The following TUT7 variants were observed in gnomAD, a reference collection of about 807,000 sequenced individuals.
TUT7 encodes terminal uridylyl transferase 7.
In TUT7, 33 loss-of-function variants were observed where a neutral mutation model predicts 165.9. That is an observed-to-expected ratio of 0.20 (90% CI 0.15 to 0.27). The LOEUF (loss-of-function observed/expected upper bound fraction) is 0.27, where lower values mean the gene tolerates loss of function less well. TUT7 is among the 10% of genes least tolerant of loss of function. TUT7 has a pLI of 1.00. For missense variants in TUT7, 1,338 were observed against 1,762.3 expected (o/e 0.76, Z 4.31); for synonymous variants, 552 against 608.1 (o/e 0.91, Z 1.36).
At chr9:86,329,588 G>C (rs991154102) in intron 10 of TUT7, among the ~76,000 whole-genome samples, 19 of 152,094 alleles carry the variant, frequency 1.2e-4, no homozygotes, top group African/African-American at 4.6e-4. Context: ...ATATGGGATG[G>C]AGTATGGATG....
intron 26 of TUT7, among the ~76,000 whole-genome samples, chr9:86,294,191 C>A (rs529543130): frequency 6.6e-6 from 1 of 151,368 alleles, no homozygotes; most frequent in South Asian, 2.1e-4. Flanking sequence ...TCTAATTCCC[C>A]TTTCACAATT....
At chr9:86,329,366 A>T (rs1830094942) in intron 10 of TUT7, among the ~76,000 whole-genome samples, 1 of 151,962 alleles carries the variant, frequency 6.6e-6, no homozygotes, top group African/African-American at 2.4e-5. Context: ...TCTACTAAAA[A>T]TACAAAATTA....
At chr9:86,309,691 A>G in intron 19 of TUT7, 115 bp from the exon 20 acceptor site, 1 of 1,018,782 alleles carries the variant, frequency 9.8e-7, no homozygotes, top group Non-Finnish European at 1.5e-6. Context: ...TAAAAATCAC[A>G]TTGTCAAAGG....
intron 26 of TUT7, among the ~76,000 whole-genome samples, chr9:86,292,845 C>G (rs1007891223): frequency 1.2e-4 from 19 of 152,262 alleles, no homozygotes; most frequent in Middle Eastern, 3.4e-3. Context: ...TATACTGCTA[C>G]TTGCCCGTTT....
At chr9:86,297,935 T>TTTTTTTTTC (rs1554691440) in intron 26 of TUT7, among the ~76,000 whole-genome samples, 1 of 145,174 alleles carries the variant, frequency 6.9e-6, no homozygotes, top group African/African-American at 2.6e-5. Context: ...TTTTTTTTTT[T>TTTTTTTTTC]CAAATTTCTT....
At position 86,334,949 on chromosome 9, in the gene TUT7, T is replaced by C. The variant is rs146550465; in HGVS notation, c.1455+2470A>G. ...CAAGTTTTGACTCCCCTCTAAAGAC[T>C]GTTTGCATTTGTTCAGTCTGCAGGT... On this transcript the variant is annotated intron_variant, in intron 10 of 26. Coordinates refer to ENST00000375963, the MANE Select transcript of TUT7 (RefSeq NM_024617.4). 2.6e-3 allele frequency among the ~76,000 whole-genome samples: 393 copies of C among 152,286 alleles called. 1 individual carries two copies. The highest frequency in any genetic ancestry group is 9.1e-3 in the African/African-American group (377 of 41,574).
At chr9:86,339,902 A>C (rs1397727996) in intron 8 of TUT7, 134 bp downstream of exon 8, 2 of 644,664 alleles carry the variant, frequency 3.1e-6, no homozygotes, top group East Asian at 5.3e-5. Flanking sequence ...TATAGGGAGA[A>C]TGTTAGTAGG....
chr9:86,307,629 A>G (rs1413005288), intron 22 of TUT7, among the ~76,000 whole-genome samples: 1 of 152,254 alleles, frequency 6.6e-6, no homozygotes, highest in Non-Finnish European at 1.5e-5. Context: ...TAAAATAAGA[A>G]TCCCACAAAT....
intron 10 of TUT7, among the ~76,000 whole-genome samples, chr9:86,332,193 T>C (rs1010722429): frequency 1.3e-5 from 2 of 152,154 alleles, no homozygotes; most frequent in Admixed American, 6.5e-5. Flanking sequence ...ACTGAGTATA[T>C]ACCCAGAGAA....
chr9:86,323,763 C>A lies in TUT7; in HGVS notation c.1987G>T (p.Asp663Tyr), dbSNP rs751797750. Residue 663 changes from aspartate (D) to tyrosine (Y), a missense_variant, in exon 13 of 27, where the codon GAT becomes TAT. Physicochemically the swap from Asp to Tyr is radical, Grantham distance 160. Coordinates refer to ENST00000375963, the MANE Select transcript of TUT7 (RefSeq NM_024617.4). ...AGCTTATCATCTTTTGTTTGTACATCTGGATGATGATTTATTACTTCTTTA... is the reference window on the plus strand; with the variant it reads ...AGCTTATCATCTTTTGTTTGTACATATGGATGATGATTTATTACTTCTTTA... ...HSKEVINHHP[D>Y]VQTKDDKLKN... is the part of the protein sequence containing the mutation. The A allele has an allele frequency of 5.0e-6, 8 of 1,613,720 alleles. No homozygotes were observed. Among genetic ancestry groups the A allele is most frequent in the Non-Finnish European group, 6.8e-6 (8 of 1,179,852 alleles).
At chr9:86,291,466 G>C (rs1825887086) in intron 26 of TUT7, among the ~76,000 whole-genome samples, 1 of 151,474 alleles carries the variant, frequency 6.6e-6, no homozygotes, top group African/African-American at 2.4e-5. Flanking sequence ...AGCCATTCGA[G>C]AGACAGGAGG....
chr9:86,342,521 C>T (rs910996243), intron 6 of TUT7, among the ~76,000 whole-genome samples: 4 of 152,156 alleles, frequency 2.6e-5, no homozygotes, highest in South Asian at 2.1e-4. Flanking sequence ...GTGATCCTCC[C>T]GCCTCAACCT....
At chr9:86,313,165 TAAAA>T (rs905368264) in intron 17 of TUT7, among the ~76,000 whole-genome samples, 15 of 138,816 alleles carry the variant, frequency 1.1e-4, no homozygotes, top group South Asian at 4.4e-4. Context: ...AATAAATAAA[TAAAA>T]AGAATTATCC....
At chr9:86,319,317 G>A (rs1829013019) in intron 15 of TUT7, among the ~76,000 whole-genome samples, 1 of 152,196 alleles carries the variant, frequency 6.6e-6, no homozygotes, top group Admixed American at 6.5e-5. Context: ...CAAGGAAAAT[G>A]TTAGATCACC....
chr9:86,294,685 C>CT (rs1440071032), intron 26 of TUT7, among the ~76,000 whole-genome samples: 1 of 151,244 alleles, frequency 6.6e-6, no homozygotes, highest in African/African-American at 2.4e-5. Context: ...TCTCATCTTT[C>CT]TTATTAAAGT....
chr9:86,319,678 AAAAT>A lies in TUT7; in HGVS notation c.3029-12_3029-9del, dbSNP rs760019388. 7.0e-6 allele frequency: 11 copies of A among 1,579,626 alleles called. No homozygotes were observed. The highest frequency in any genetic ancestry group is 2.2e-5 in the East Asian group (1 of 44,536). ...TTGTTGGAGAAAAATCCTCTGTTTA[AAAAT>A]AAATAGACATATTGACAAAATAAGC... On this transcript the variant is annotated splice_polypyrimidine_tract_variant and intron_variant, in intron 14 of 26. Transcript: ENST00000375963.
rs146710199 is a variant in TUT7 at position 86,319,723 on chromosome 9, G to C, written c.3029-53C>G. ...CAAAATAAGCCGGTTGACACTCTTA[G>C]AAAAAGCTGAAAAAAATTTATTTTT... On this transcript the variant is annotated intron_variant, in intron 14 of 26. Transcript: ENST00000375963. 728 of 1,153,494 alleles carry C rather than the reference G, an allele frequency of 6.3e-4. 3 individuals are homozygous for C. The African/African-American group carries it at 0.01, about 16-fold the overall frequency. The allele number at this position is 1,153,494 out of a possible 1,614,324, so 71.5% of individuals were successfully genotyped here.
At chr9:86,306,690 C>G (rs1333982690) in intron 22 of TUT7, among the ~76,000 whole-genome samples, 1 of 151,960 alleles carries the variant, frequency 6.6e-6, no homozygotes, top group Admixed American at 6.6e-5. Context: ...GCCTGTAGTC[C>G]CAGCTACTCT....
intron 2 of TUT7, among the ~76,000 whole-genome samples, chr9:86,349,226 C>A (rs774714456): frequency 2.0e-5 from 3 of 151,662 alleles, no homozygotes; most frequent in Middle Eastern, 6.8e-3. Flanking sequence ...TTGCAGTGAA[C>A]CGAGATCATG....
Sources: allele counts gnomAD v4.1 joint callset (sites outside exome capture counted in the v4.1 genomes callset), GRCh38; gene constraint gnomAD v4.1.1; transcripts MANE v1.5; gene names NCBI Gene and HGNC (gene_info 2026-07-23, HGNC 2026-07-21).